STK32C: variants seen among roughly 807,000 people sequenced by gnomAD.
STK32C encodes serine/threonine-protein kinase 32C.
Under a neutral mutation model 56.5 loss-of-function variants are expected in STK32C, and 31 were observed. The observed-to-expected ratio is 0.55, with a 90% CI of 0.41 to 0.74. The LOEUF is 0.74. STK32C is among the 30% of genes least tolerant of loss of function. The pLI, the probability that STK32C is intolerant of heterozygous loss-of-function variation, is 0.00. For synonymous variants in STK32C, 309 were observed against 289.4 expected, an observed-to-expected ratio of 1.07 and a Z score of -0.69; for missense variants, 544 against 676.9, an observed-to-expected ratio of 0.80 and a Z score of 2.18.
chr10:132,298,694 C>T (rs2138352308), intron 1 of STK32C, among the ~76,000 whole-genome samples: 1 of 151,854 alleles, frequency 6.6e-6, no homozygotes, highest in Middle Eastern at 3.4e-3. Context: ...TGTGGGGTCA[C>T]TGGGAGGGAG....
chr10:132,269,153 G>A (rs4880364), intron 1 of STK32C, among the ~76,000 whole-genome samples: 2 of 151,336 alleles, frequency 1.3e-5, no homozygotes, highest in Admixed American at 6.6e-5. Flanking sequence ...GTTGGTTCAC[G>A]TTGCATCGTG....
chr10:132,228,251 G>A lies in STK32C; in HGVS notation c.319-123C>T, dbSNP rs183791388. 134 of 1,270,546 alleles carry A rather than the reference G, an allele frequency of 1.1e-4. No individual in the cohort carries two copies. In the South Asian group the frequency reaches 1.2e-3, roughly 11 times the overall value. The allele number at this position is 1,270,546 out of a possible 1,614,324, so 78.7% of individuals were successfully genotyped here. ...AGGACACAAGGGGACACCTGGGGAC[G>A]CGCCGCAGCCCCTCTGCCTCCTAGA... On this transcript the variant is annotated intron_variant, in intron 2 of 11. Transcript: ENST00000298630.
At chr10:132,222,238 C>A (rs2062701565) in intron 10 of STK32C, among the ~76,000 whole-genome samples, 1 of 146,510 alleles carries the variant, frequency 6.8e-6, no homozygotes, top group Non-Finnish European at 1.5e-5. Context: ...ACACACACAA[C>A]TGATGCCGAC....
chr10:132,237,555 C>T (rs2137835244), intron 2 of STK32C, among the ~76,000 whole-genome samples: 1 of 152,380 alleles, frequency 6.6e-6, no homozygotes, highest in South Asian at 2.1e-4. Flanking sequence ...AGACTCTGCG[C>T]CGAGGTCCCC....
intron 1 of STK32C, among the ~76,000 whole-genome samples, chr10:132,276,514 G>A (rs74161762): frequency 0.12 from 18,710 of 152,214 alleles, 1,912 homozygotes; most frequent in African/African-American, 0.28. Context: ...AGGCACGGCG[G>A]CTCACGCCTG....
intron 2 of STK32C, among the ~76,000 whole-genome samples, chr10:132,230,398 T>G (rs2063050292): frequency 1.3e-5 from 2 of 152,122 alleles, no homozygotes; most frequent in African/African-American, 4.8e-5. Flanking sequence ...GTGCCCGGGA[T>G]GGAAGCCCCA....
At chr10:132,311,769 C>T (rs972635787), upstream of STK32C, among the ~76,000 whole-genome samples, 3 of 152,198 alleles carry the variant, frequency 2.0e-5, no homozygotes, top group Non-Finnish European at 4.4e-5. The surrounding 1 kb of genome is among the most constrained non-coding windows in gnomAD (Gnocchi z 4.4). Context: ...GGACACTTGT[C>T]ATTGGACTTA....
chr10:132,297,816 C>G (rs913237897), intron 1 of STK32C, among the ~76,000 whole-genome samples: 14 of 152,258 alleles, frequency 9.2e-5, no homozygotes, highest in African/African-American at 3.4e-4. Flanking sequence ...AGGTGCACAC[C>G]CGCCTGGTCT....
At chr10:132,267,330 C>T (rs1233762825) in intron 1 of STK32C, among the ~76,000 whole-genome samples, 3 of 152,050 alleles carry the variant, frequency 2.0e-5, no homozygotes, top group African/African-American at 7.2e-5. Flanking sequence ...TCAGATCACA[C>T]CTATGTGTGC....
At chr10:132,257,723 T>G in intron 1 of STK32C, among the ~76,000 whole-genome samples, 1 of 91,656 alleles carries the variant, frequency 1.1e-5, no homozygotes, top group African/African-American at 4.1e-5. Flanking sequence ...CCCACAATCC[T>G]CCCCCCAACC....
intron 2 of STK32C, among the ~76,000 whole-genome samples, chr10:132,239,206 C>T (rs1217172330): frequency 1.3e-5 from 2 of 152,210 alleles, no homozygotes; most frequent in Non-Finnish European, 2.9e-5. Context: ...GACAAGAGCA[C>T]TGTGTGCACT....
At position 132,226,965 on chromosome 10, in the gene STK32C, G is replaced by C. The variant is rs780330225; in HGVS notation, c.474C>G (p.Tyr158Ter). The change falls in exon 4 of 12, where the codon TAC becomes TAG. Residue 158 changes from tyrosine (Y) to a stop codon, truncating the protein, a stop_gained. Coordinates refer to ENST00000298630, the MANE Select transcript of STK32C (RefSeq NM_173575.4). LOFTEE classifies it high-confidence loss of function. The part of the protein sequence containing the change: ...IEHVFLVNLW[Y>*]SFQDEEDMFM... The stretch of plus-strand genomic sequence containing the variant: ...ACATGTCCTCCTCGTCCTGGAAGGA[G>C]TACCTGTGGGCACCGATGGAAGGCC... 1 of 1,613,164 alleles carries C rather than the reference G, an allele frequency of 6.2e-7. No individual in the cohort carries two copies. The highest frequency in any genetic ancestry group is 1.1e-5 in the South Asian group (1 of 91,082).
intron 1 of STK32C, among the ~76,000 whole-genome samples, chr10:132,326,370 C>T (rs1290985491): frequency 6.6e-6 from 1 of 152,076 alleles, no homozygotes; most frequent in Non-Finnish European, 1.5e-5. Context: ...TTTCACCCTG[C>T]CACCAGGCTG....
At chr10:132,208,233 G>A in intron 11 of STK32C, 82 bp from the exon 12 acceptor site, 1 of 1,269,228 alleles carries the variant, frequency 7.9e-7, no homozygotes. Context: ...ACGGGCTCAT[G>A]GGGTAGGCCA....
intron 1 of STK32C, among the ~76,000 whole-genome samples, chr10:132,302,960 G>A (rs1198648387): frequency 1.3e-5 from 2 of 152,306 alleles, no homozygotes; most frequent in African/African-American, 4.8e-5. Context: ...GAACTTCAAA[G>A]CTATAGACTA....
chr10:132,262,637 G>T (rs1303524126), intron 1 of STK32C, among the ~76,000 whole-genome samples: 1 of 151,656 alleles, frequency 6.6e-6, no homozygotes, highest in Non-Finnish European at 1.5e-5. Flanking sequence ...ATACAGCTGG[G>T]CACAGTGGCT....
At chr10:132,267,856 G>T (rs891074594) in intron 1 of STK32C, among the ~76,000 whole-genome samples, 111 of 90,724 alleles carry the variant, frequency 1.2e-3, no homozygotes, top group Middle Eastern at 0.011. Flanking sequence ...TGTGTATGCA[G>T]GTTCAGCTCT....
At chr10:132,331,585 A>G (rs773355373) in exon 1 of STK32C, 3 of 1,612,940 alleles carry the variant, frequency 1.9e-6, no homozygotes, top group African/African-American at 1.3e-5. Context: ...AGGAAGCCCC[A>G]GGAGAGACGC....
downstream of STK32C, among the ~76,000 whole-genome samples, chr10:132,323,431 G>A (rs2066445256): frequency 6.6e-6 from 1 of 152,186 alleles, no homozygotes. The surrounding 1 kb of genome is among the most constrained non-coding windows in gnomAD (Gnocchi z 4.8). Flanking sequence ...CAATACCAAT[G>A]TTCACAGACT....
Sources: gnomAD v4.1 joint callset for allele counts (sites outside exome capture counted in the v4.1 genomes callset) on GRCh38, gnomAD v4.1.1 for gene constraint, Gnocchi (gnomAD v3.1) non-coding constraint, MANE v1.5 for transcripts, NCBI Gene and HGNC (gene_info 2026-07-23, HGNC 2026-07-21) for gene names.